The following SLC36A1 variants were observed in gnomAD, a reference collection of about 807,000 sequenced individuals.
The protein encoded by SLC36A1 is solute carrier family 36 member 1, also known as proton-coupled amino acid transporter 1.
Under a neutral mutation model 47.5 loss-of-function variants are expected in SLC36A1, and 30 were observed. That is an observed-to-expected ratio of 0.63 (90% CI 0.47 to 0.86). The LOEUF (loss-of-function observed/expected upper bound fraction) is 0.86, where lower values mean the gene tolerates loss of function less well. Among genes scored for constraint, SLC36A1 ranks in the 40% least tolerant of loss-of-function variants. The probability of loss-of-function intolerance (pLI) is 0.00; values close to 1 mark genes in which losing one functional copy is unlikely to be tolerated. For missense variants in SLC36A1, 517 were observed against 606.0 expected, an observed-to-expected ratio of 0.85 and a Z score of 1.54; for synonymous variants, 255 against 249.7, an observed-to-expected ratio of 1.02 and a Z score of -0.20.
the SLC36A1 span, among the ~76,000 whole-genome samples, chr5:151,365,847 T>A: frequency 1.3e-5 from 2 of 152,174 alleles, no homozygotes; most frequent in African/African-American, 4.8e-5. Flanking sequence ...GGGATGCATT[T>A]TGTACGTTGC....
rs1760059338 is a variant in SLC36A1, at chr5:151,490,917, C to T, written c.*2663C>T. ...GGGCTTCTTGAGGTAGAGAGCCCTCCCCAGTGTCTTCCCAGGATAAGTAGA... is the reference window on the plus strand; with the variant it reads ...GGGCTTCTTGAGGTAGAGAGCCCTCTCCAGTGTCTTCCCAGGATAAGTAGA... On this transcript the variant is annotated 3_prime_UTR_variant, in exon 11 of 11. Coordinates refer to ENST00000243389, the MANE Select transcript of SLC36A1 (RefSeq NM_078483.4). 1 of 152,226 alleles carries T rather than the reference C, an allele frequency of 6.6e-6. No homozygotes were observed. Among genetic ancestry groups the T allele is most frequent in the African/African-American group, 2.4e-5 (1 of 41,424 alleles). The allele number at this position is 152,226 out of a possible 1,614,324, so 9.4% of individuals were successfully genotyped here. A position where few individuals can be genotyped will look rare whatever the true frequency, so the allele number is the denominator to read the frequency against.
chr5:151,544,673 A>G, the SLC36A1 span: 1 of 1,614,122 alleles, frequency 6.2e-7, no homozygotes, highest in Non-Finnish European at 8.5e-7. Context: ...CTCTGGAGGG[A>G]TGGCGTTCCT....
the SLC36A1 span, chr5:151,505,442 G>T: frequency 1.3e-5 from 16 of 1,198,628 alleles, no homozygotes; most frequent in Middle Eastern, 2.0e-4. Flanking sequence ...AGGGACAACA[G>T]CCTGGGCTGA....
At chr5:151,398,853 G>T in the SLC36A1 span, among the ~76,000 whole-genome samples, 1 of 152,064 alleles carries the variant, frequency 6.6e-6, no homozygotes, top group Non-Finnish European at 1.5e-5. Context: ...CTGTGCATGG[G>T]TGTGGGCACC....
the SLC36A1 span, among the ~76,000 whole-genome samples, chr5:151,423,792 G>A: frequency 6.6e-6 from 1 of 152,196 alleles, no homozygotes; most frequent in Non-Finnish European, 1.5e-5. Context: ...AGGACTTTGG[G>A]TGATAATGCT....
At chr5:151,369,659 A>G in the SLC36A1 span, among the ~76,000 whole-genome samples, 1 of 152,104 alleles carries the variant, frequency 6.6e-6, no homozygotes, top group African/African-American at 2.4e-5. Flanking sequence ...TTTAAAATAT[A>G]TTTGTAGATA....
At chr5:151,400,684 TG>T in the SLC36A1 span, among the ~76,000 whole-genome samples, 1 of 152,050 alleles carries the variant, frequency 6.6e-6, no homozygotes, top group South Asian at 2.1e-4. Flanking sequence ...TGTTTTGTTT[TG>T]TTTTGTTTTT....
chr5:151,346,912 G>A, the SLC36A1 span, among the ~76,000 whole-genome samples: 11 of 152,166 alleles, frequency 7.2e-5, no homozygotes, highest in East Asian at 1.9e-4. Context: ...TTTAAGCTCA[G>A]GACTCACCTT....
upstream of SLC36A1, among the ~76,000 whole-genome samples, chr5:151,444,858 G>A (rs894338901): frequency 1.3e-5 from 2 of 152,142 alleles, no homozygotes; most frequent in African/African-American, 4.8e-5. Flanking sequence ...AATCTTTGGG[G>A]TTTTCTACAT....
chr5:151,375,374 A>G, the SLC36A1 span, among the ~76,000 whole-genome samples: 15 of 152,124 alleles, frequency 9.9e-5, no homozygotes, highest in Admixed American at 9.8e-4. Flanking sequence ...GGCTATAGAC[A>G]TGTGGCTCTA....
chr5:151,548,177 AG>A, the SLC36A1 span, among the ~76,000 whole-genome samples: 1 of 152,198 alleles, frequency 6.6e-6, no homozygotes, highest in Non-Finnish European at 1.5e-5. Flanking sequence ...ATACAGTACC[AG>A]TAGCTACTGT....
intron 3 of SLC36A1, among the ~76,000 whole-genome samples, chr5:151,463,926 G>C (rs357613): frequency 6.6e-6 from 1 of 152,004 alleles, no homozygotes; most frequent in Non-Finnish European, 1.5e-5. Flanking sequence ...GAGATGGCTC[G>C]AGCAGTTTCT....
chr5:151,471,838 G>T (rs1020407861), intron 7 of SLC36A1, among the ~76,000 whole-genome samples: 2 of 152,128 alleles, frequency 1.3e-5, no homozygotes, highest in Non-Finnish European at 2.9e-5. Flanking sequence ...AGCATGCCCC[G>T]TATTATCCAA....
In SLC36A1 at chr5:151,465,064, A is replaced by C. The variant is rs748599714; in HGVS notation, c.324-10A>C. 6.2e-7 allele frequency: 1 copy of C among 1,605,284 alleles called. No homozygotes were observed. Among genetic ancestry groups the C allele is most frequent in the East Asian group, 2.2e-5 (1 of 44,810 alleles). ...TGCTCTGTCCTTCCTCTTCCCTCCT[A>C]CTCTTCCAGGCTGAATAAATCCTTT... On this transcript the variant is annotated splice_polypyrimidine_tract_variant and intron_variant, in intron 4 of 10. Transcript: ENST00000243389.
chr5:151,421,186 T>C, the SLC36A1 span, among the ~76,000 whole-genome samples: 1 of 147,294 alleles, frequency 6.8e-6, no homozygotes, highest in Non-Finnish European at 1.5e-5. Flanking sequence ...CCTTCCTTCC[T>C]TCCTTCCTTC....
the SLC36A1 span, chr5:151,378,561 C>T: frequency 2.3e-5 from 5 of 215,978 alleles, no homozygotes; most frequent in Non-Finnish European, 5.0e-5. Context: ...CCATTTAATC[C>T]CTGTCGAGTC....
At chr5:151,416,739 C>T in the SLC36A1 span, among the ~76,000 whole-genome samples, 5 of 152,272 alleles carry the variant, frequency 3.3e-5, no homozygotes, top group East Asian at 9.7e-4. Flanking sequence ...CAGGATAATC[C>T]AGGATGATCA....
At chr5:151,466,802 C>A (rs1269445025) in intron 5 of SLC36A1, among the ~76,000 whole-genome samples, 1 of 152,110 alleles carries the variant, frequency 6.6e-6, no homozygotes, top group Non-Finnish European at 1.5e-5. Flanking sequence ...ATGTGTCTCA[C>A]CTCATGCAGC....
chr5:151,399,376 C>T, the SLC36A1 span, among the ~76,000 whole-genome samples: 7 of 151,894 alleles, frequency 4.6e-5, no homozygotes, highest in Middle Eastern at 3.4e-3. Flanking sequence ...CGTGAGCCAC[C>T]GTAATGTACA....
Sources: allele counts gnomAD v4.1 joint callset (sites outside exome capture counted in the v4.1 genomes callset), GRCh38; gene constraint gnomAD v4.1.1; transcripts MANE v1.5; gene names NCBI Gene and HGNC (gene_info 2026-07-23, HGNC 2026-07-21).